Variants in KIAA2012 observed in about 807,000 individuals in gnomAD.
The protein encoded by KIAA2012 is uncharacterized protein KIAA2012.
A neutral mutation model predicts 150.6 loss-of-function variants in KIAA2012; 125 were observed. That is an observed-to-expected ratio of 0.83 (90% confidence interval 0.72 to 0.96). The LOEUF (loss-of-function observed/expected upper bound fraction) is 0.96, where lower values mean the gene tolerates loss of function less well. Ranked by LOEUF, KIAA2012 falls within the 40% of genes least tolerant of loss-of-function variation. The pLI is 0.00. For synonymous variants in KIAA2012, 462 were observed against 504.7 expected (o/e 0.92, Z 1.13); for missense variants, 1,219 against 1,354.9 (o/e 0.90, Z 1.57).
intron 15 of KIAA2012, chr2:202,179,540 A>G (rs545404262): frequency 1.4e-6 from 1 of 691,178 alleles, no homozygotes; most frequent in Admixed American, 1.8e-5. Context: ...GGGCCCAGAT[A>G]ACAAAGTGCT....
chr2:202,202,018 G>A (rs974867872), intron 22 of KIAA2012: 8 of 576,568 alleles, frequency 1.4e-5, no homozygotes, highest in Admixed American at 3.0e-5. Flanking sequence ...TGGCGCTGCC[G>A]CCGCAGTTTT....
At chr2:202,089,117 G>A (rs1689654897) in intron 2 of KIAA2012, among the ~76,000 whole-genome samples, 3 of 152,204 alleles carry the variant, frequency 2.0e-5, no homozygotes, top group Non-Finnish European at 2.9e-5. Flanking sequence ...TGAAGTGAAA[G>A]ACTGTTCTGA....
intron 15 of KIAA2012, among the ~76,000 whole-genome samples, chr2:202,181,336 GA>G (rs1392227316): frequency 6.6e-6 from 1 of 152,010 alleles, no homozygotes; most frequent in African/African-American, 2.4e-5. Context: ...AACACTTTGG[GA>G]AGTTGAGGCA....
intron 13 of KIAA2012, among the ~76,000 whole-genome samples, chr2:202,145,775 C>T (rs777895453): frequency 6.7e-6 from 1 of 149,818 alleles, no homozygotes; most frequent in Non-Finnish European, 1.5e-5. Context: ...ACCTCTGCCT[C>T]CAGGATTCAA....
intron 9 of KIAA2012, 148 bp downstream of exon 9, chr2:202,106,058 C>G: frequency 1.3e-6 from 2 of 1,529,604 alleles, no homozygotes; most frequent in Non-Finnish European, 1.8e-6. Context: ...TTTGTGCAGG[C>G]AGCAGCTGCC....
At chr2:202,128,547 C>T (rs1182899193) in intron 12 of KIAA2012, among the ~76,000 whole-genome samples, 2 of 152,002 alleles carry the variant, frequency 1.3e-5, no homozygotes, top group African/African-American at 4.8e-5. Flanking sequence ...GCTGGGATTA[C>T]AGGCGTGAGG....
chr2:202,179,491 A>T, intron 15 of KIAA2012: 2 of 704,546 alleles, frequency 2.8e-6, no homozygotes, highest in Non-Finnish European at 5.4e-6. Context: ...ACAAAGTGGA[A>T]CCAATTACCA....
intron 20 of KIAA2012, 32 bp downstream of exon 20, chr2:202,193,535 A>C: frequency 6.5e-7 from 1 of 1,546,656 alleles, no homozygotes; most frequent in Non-Finnish European, 8.7e-7. Context: ...GACTACAGCC[A>C]TGTTAGGAAG....
At chr2:202,091,622 T>G (rs190896773) in intron 3 of KIAA2012, among the ~76,000 whole-genome samples, 1 of 152,322 alleles carries the variant, frequency 6.6e-6, no homozygotes, top group African/African-American at 2.4e-5. Flanking sequence ...GCATAAACAG[T>G]TACGCTTGCA....
At chr2:202,179,207 T>C (rs1287822711) in intron 15 of KIAA2012, 2 of 621,912 alleles carry the variant, frequency 3.2e-6, no homozygotes, top group Admixed American at 2.1e-5. Flanking sequence ...CTGATTCAAA[T>C]TGGTACAAAT....
At chr2:202,134,244 G>A (rs1462586002) in intron 12 of KIAA2012, among the ~76,000 whole-genome samples, 1 of 152,218 alleles carries the variant, frequency 6.6e-6, no homozygotes, top group Non-Finnish European at 1.5e-5. Context: ...CCATCAAAGG[G>A]TGTGCATGCC....
At chr2:202,165,860 G>C (rs1018952751) in intron 15 of KIAA2012, among the ~76,000 whole-genome samples, 1 of 152,156 alleles carries the variant, frequency 6.6e-6, no homozygotes. Flanking sequence ...TTTTACAAGA[G>C]CTTGTTGTTT....
intron 7 of KIAA2012, 26 bp downstream of exon 7, chr2:202,100,475 A>G (rs1286924660): frequency 6.5e-7 from 1 of 1,530,332 alleles, no homozygotes; most frequent in Non-Finnish European, 8.8e-7. Context: ...ATGTTTGTGC[A>G]TACAGGAGAG....
intron 2 of KIAA2012, among the ~76,000 whole-genome samples, chr2:202,078,862 A>G (rs72936677): frequency 0.15 from 23,317 of 152,144 alleles, 2,055 homozygotes; most frequent in South Asian, 0.26. Context: ...ACTAGGCCAC[A>G]TAGAAAACAT....
chr2:202,171,186 C>T (rs1179802663), intron 15 of KIAA2012, among the ~76,000 whole-genome samples: 3 of 126,796 alleles, frequency 2.4e-5, no homozygotes, highest in South Asian at 2.9e-4. Flanking sequence ...CACACAGACA[C>T]ATATACACAG....
rs188393093 is a variant in KIAA2012 at position 202,099,862 on chromosome 2, C to T, written c.1012+66C>T. On this transcript the variant is annotated intron_variant, in intron 6 of 23. Coordinates refer to ENST00000498697, the MANE Select transcript of KIAA2012 (RefSeq NM_001277372.4). ...CAGTCATGCAGAGTTCATTTAAGGACACTGAGGCATGCCAAACATCACTTC... is the reference window on the plus strand; with the variant it reads ...CAGTCATGCAGAGTTCATTTAAGGATACTGAGGCATGCCAAACATCACTTC... The T allele has an allele frequency of 7.3e-4, 975 of 1,326,846 alleles. 1 individual carries two copies. Among genetic ancestry groups the T allele is most frequent in the Non-Finnish European group, 9.7e-4 (948 of 982,312 alleles). 82.2% of individuals were successfully genotyped at this position (1,326,846 alleles called of 1,614,324 possible).
intron 13 of KIAA2012, among the ~76,000 whole-genome samples, chr2:202,146,275 G>T (rs1691292335): frequency 6.6e-6 from 1 of 152,108 alleles, no homozygotes; most frequent in Admixed American, 6.5e-5. Context: ...GACCAAGGCT[G>T]GAGGATTACT....
chr2:202,109,645 C>T lies in KIAA2012; in HGVS notation c.1507C>T (p.Pro503Ser). The T allele has an allele frequency of 6.5e-7, 1 of 1,549,162 alleles. No individual in the cohort carries two copies. The highest frequency in any genetic ancestry group is 1.2e-5 in the South Asian group (1 of 83,742). ...DDAPPHDVAP[P>S]LDLLPPIKGK... The stretch of plus-strand genomic sequence containing the variant: ...TGCCCCACCTCACGATGTGGCCCCA[C>T]CATTGGATCTTCTACCCCCGATTAA... Residue 503 changes from proline (P) to serine (S), a missense_variant, in exon 10 of 24, where the codon CCA (proline) becomes TCA (serine). Coordinates refer to ENST00000498697, the MANE Select transcript of KIAA2012 (RefSeq NM_001277372.4).
chr2:202,201,880 T>G, intron 22 of KIAA2012: 1 of 1,146,892 alleles, frequency 8.7e-7, no homozygotes, highest in Non-Finnish European at 1.3e-6. Flanking sequence ...TGACCTTTGC[T>G]GTTCATGGTG....
Sources: allele counts gnomAD v4.1 joint callset (sites outside exome capture counted in the v4.1 genomes callset), GRCh38; gene constraint gnomAD v4.1.1; transcripts MANE v1.5; gene names NCBI Gene and HGNC (gene_info 2026-07-23, HGNC 2026-07-21).